The following CAMTA1 variants were observed in gnomAD, a reference collection of about 807,000 sequenced individuals.
CAMTA1 encodes calmodulin binding transcription activator 1, also known as calmodulin-binding transcription activator 1.
A neutral mutation model predicts 170.9 loss-of-function variants in CAMTA1; 27 were observed. The ratio of observed to expected loss-of-function variants is 0.16; its 90% CI spans 0.12 to 0.22. The LOEUF is 0.22. Among genes scored for constraint, CAMTA1 ranks in the 10% least tolerant of loss-of-function variants. The probability of loss-of-function intolerance (pLI) is 1.00; values close to 1 mark genes in which losing one functional copy is unlikely to be tolerated. For missense variants in CAMTA1, 1,619 were observed against 2,217.2 expected, an observed-to-expected ratio of 0.73 and a Z score of 5.42; for synonymous variants, 833 against 891.5, an observed-to-expected ratio of 0.93 and a Z score of 1.17.
chr1:7,738,420 C>T lies in CAMTA1; in HGVS notation c.4120C>T (p.Leu1374=). ...MANREVVNTE[L]GSYRDSAENE... The stretch of plus-strand genomic sequence containing the variant: ...TAACAGAGAGGTGGTGAATACAGAG[C>T]TGGGGTCCTACCGTGATAGTGCAGA... Residue 1374 remains leucine, a synonymous_variant, in exon 16 of 23, where the codon CTG becomes TTG. Transcript: ENST00000303635. This position sits in a 1 kb window ranked among gnomAD's most constrained non-coding sequence, Gnocchi z 4.9. 1.2e-6 allele frequency: 2 copies of T among 1,614,170 alleles called. No individual in the cohort carries two copies. The highest frequency in any genetic ancestry group is 1.7e-6 in the Non-Finnish European group (2 of 1,180,042).
chr1:7,062,460 C>T (rs776289147), intron 3 of CAMTA1, among the ~76,000 whole-genome samples: 15 of 152,062 alleles, frequency 9.9e-5, no homozygotes, highest in Non-Finnish European at 2.2e-4. Context: ...CTGCCCAGCC[C>T]GGGGGTGAGT....
At chr1:6,789,167 C>G (rs945308486) in intron 1 of CAMTA1, among the ~76,000 whole-genome samples, 2 of 151,922 alleles carry the variant, frequency 1.3e-5, no homozygotes, top group African/African-American at 4.9e-5. Flanking sequence ...AACCTCTACT[C>G]AAGGTCAGAT....
At chr1:7,222,666 C>T (rs1355204094) in intron 4 of CAMTA1, among the ~76,000 whole-genome samples, 1 of 152,214 alleles carries the variant, frequency 6.6e-6, no homozygotes, top group African/African-American at 2.4e-5. Context: ...TCCCTCTGCA[C>T]TGCCCAGAGC....
intron 3 of CAMTA1, among the ~76,000 whole-genome samples, chr1:6,999,762 A>G (rs942578197): frequency 7.9e-5 from 12 of 152,158 alleles, no homozygotes; most frequent in African/African-American, 2.7e-4. Flanking sequence ...ATACAGGTCT[A>G]GGCCAGGGGC....
At chr1:7,366,475 C>T (rs576299135) in intron 5 of CAMTA1, among the ~76,000 whole-genome samples, 93 of 152,324 alleles carry the variant, frequency 6.1e-4, no homozygotes, top group Non-Finnish European at 1.2e-3. Context: ...GTGCATGTGG[C>T]TAGAATTCTT....
chr1:7,370,476 C>T lies in CAMTA1; in HGVS notation c.439-97354C>T, dbSNP rs181157667. 8.8e-3 allele frequency among the ~76,000 whole-genome samples: 1,337 copies of T among 152,252 alleles called. 10 individuals are homozygous for T. The highest frequency in any genetic ancestry group is 0.027 in the Middle Eastern group (8 of 294). The stretch of plus-strand genomic sequence containing the variant: ...AGGGTTTTAAAATCGATGTAAGAAA[C>T]GTGCACATCCAGAAATGGAGTAAAA... On this transcript the variant is annotated intron_variant, in intron 5 of 22. Coordinates refer to ENST00000303635, the MANE Select transcript of CAMTA1 (RefSeq NM_015215.4).
chr1:7,153,714 G>A (rs1006709639), intron 4 of CAMTA1, among the ~76,000 whole-genome samples: 31 of 152,296 alleles, frequency 2.0e-4, no homozygotes, highest in Middle Eastern at 6.8e-3. Context: ...CATTGCAGCT[G>A]CCCTAGGGCT....
intron 4 of CAMTA1, among the ~76,000 whole-genome samples, chr1:7,237,077 G>A (rs1420523051): frequency 1.3e-5 from 2 of 152,192 alleles, no homozygotes; most frequent in Non-Finnish European, 2.9e-5. Context: ...TGTGCCTTGT[G>A]GCAGGAGCGA....
At chr1:7,559,573 G>A (rs987352090) in intron 6 of CAMTA1, among the ~76,000 whole-genome samples, 1 of 152,250 alleles carries the variant, frequency 6.6e-6, no homozygotes. Flanking sequence ...TCGGAGCCCT[G>A]CAGAAGGACC....
At chr1:7,006,815 T>A (rs534875369) in intron 3 of CAMTA1, among the ~76,000 whole-genome samples, 1 of 152,140 alleles carries the variant, frequency 6.6e-6, no homozygotes, top group South Asian at 2.1e-4. Flanking sequence ...CACACTAACA[T>A]TCTATGATTT....
chr1:7,703,687 ATATC>A (rs2096467309), intron 11 of CAMTA1, among the ~76,000 whole-genome samples: 1 of 152,126 alleles, frequency 6.6e-6, no homozygotes, highest in African/African-American at 2.4e-5. Context: ...CTGTATCTAT[ATATC>A]TATATCTATT....
chr1:7,203,837 T>C (rs1396374699), intron 4 of CAMTA1, among the ~76,000 whole-genome samples: 2 of 148,766 alleles, frequency 1.3e-5, no homozygotes, highest in Non-Finnish European at 3.0e-5. Context: ...TTTTCTTTCT[T>C]TTTTTTTTTT....
chr1:6,837,927 C>G (rs977589060), intron 3 of CAMTA1, among the ~76,000 whole-genome samples: 2 of 152,174 alleles, frequency 1.3e-5, no homozygotes, highest in African/African-American at 2.4e-5. Context: ...TTGTCATCAT[C>G]TAATATACTG....
intron 5 of CAMTA1, among the ~76,000 whole-genome samples, chr1:7,357,311 G>A (rs1180487620): frequency 1.3e-5 from 2 of 152,206 alleles, no homozygotes; most frequent in African/African-American, 4.8e-5. Flanking sequence ...CCCTGCCCAA[G>A]CCTTGCCCTT....
At chr1:6,832,743 A>G (rs894407415) in intron 3 of CAMTA1, among the ~76,000 whole-genome samples, 1 of 152,172 alleles carries the variant, frequency 6.6e-6, no homozygotes, top group Non-Finnish European at 1.5e-5. Flanking sequence ...GAACGGTCCC[A>G]GATTATTTTG....
intron 4 of CAMTA1, among the ~76,000 whole-genome samples, chr1:7,136,822 C>T (rs993007903): frequency 6.6e-6 from 1 of 152,198 alleles, no homozygotes; most frequent in African/African-American, 2.4e-5. Context: ...TCAGAGACTG[C>T]TCCTTCTTTG....
chr1:7,691,735 T>C (rs535663131), intron 11 of CAMTA1, among the ~76,000 whole-genome samples: 3 of 151,848 alleles, frequency 2.0e-5, no homozygotes, highest in Non-Finnish European at 2.9e-5. Context: ...AGAGAGCAAA[T>C]AGACAAGAGA....
At chr1:7,558,354 G>A (rs1451574928) in intron 6 of CAMTA1, among the ~76,000 whole-genome samples, 1 of 152,222 alleles carries the variant, frequency 6.6e-6, no homozygotes, top group African/African-American at 2.4e-5. Flanking sequence ...AGGGTTGAAG[G>A]CGGGGAGCAT....
At chr1:7,725,244 A>G (rs143375006) in intron 11 of CAMTA1, among the ~76,000 whole-genome samples, 1 of 152,366 alleles carries the variant, frequency 6.6e-6, no homozygotes, top group African/African-American at 2.4e-5. Context: ...GGAACCTTTC[A>G]GGAAAATAGA....
Sources: allele counts gnomAD v4.1 joint callset (sites outside exome capture counted in the v4.1 genomes callset), GRCh38; gene constraint gnomAD v4.1.1; non-coding constraint Gnocchi (gnomAD v3.1); transcripts MANE v1.5; gene names NCBI Gene and HGNC (gene_info 2026-07-23, HGNC 2026-07-21).